Variants in KLHL24 observed in about 807,000 individuals in gnomAD.
The protein encoded by KLHL24 is kelch like family member 24.
A neutral mutation model predicts 53.4 loss-of-function variants in KLHL24; 29 were observed. The ratio of observed to expected loss-of-function variants is 0.54; its 90% CI spans 0.40 to 0.74. The LOEUF (loss-of-function observed/expected upper bound fraction) is 0.74, where lower values mean the gene tolerates loss of function less well. Ranked by LOEUF, KLHL24 falls within the 30% of genes least tolerant of loss-of-function variation. The pLI is 0.00. For synonymous variants in KLHL24, 222 were observed against 253.7 expected (o/e 0.88, Z 1.19); for missense variants, 504 against 744.0 (o/e 0.68, Z 3.75).
At chr3:183,676,240 C>G (rs770496777) in intron 7 of KLHL24, among the ~76,000 whole-genome samples, 1 of 152,148 alleles carries the variant, frequency 6.6e-6, no homozygotes, top group Non-Finnish European at 1.5e-5. Context: ...GGATTACAGG[C>G]GCATGCCACC....
chr3:183,660,208 T>G (rs1054408858), intron 3 of KLHL24, among the ~76,000 whole-genome samples: 5 of 151,674 alleles, frequency 3.3e-5, no homozygotes, highest in Admixed American at 1.3e-4. Context: ...CATGGCTTGT[T>G]GCAGCTTAAG....
intron 5 of KLHL24, 21 bp downstream of exon 5, chr3:183,665,060 T>C: frequency 8.1e-7 from 1 of 1,228,576 alleles, no homozygotes; most frequent in Non-Finnish European, 1.2e-6. Context: ...CCACTTTTTA[T>C]TACTATTGCT....
intron 3 of KLHL24, among the ~76,000 whole-genome samples, chr3:183,653,221 C>T (rs558554960): frequency 2.6e-4 from 39 of 152,292 alleles, no homozygotes; most frequent in African/African-American, 4.3e-4. Context: ...CTTAAAAATA[C>T]GATAGCAGAT....
rs1171602504 is a variant in KLHL24, at chr3:183,671,166, G to C, written c.1357G>C (p.Val453Leu). The C allele has an allele frequency of 6.2e-7, 1 of 1,614,058 alleles. No individual in the cohort carries two copies. Among genetic ancestry groups the C allele is most frequent in the Non-Finnish European group, 8.5e-7 (1 of 1,180,012 alleles). The change falls in exon 6 of 8, where the codon GTA becomes CTA. Residue 453 changes from valine (V) to leucine (L), a missense_variant. By Grantham distance (32) the Val-to-Leu change is conservative. Coordinates refer to ENST00000242810, the MANE Select transcript of KLHL24 (RefSeq NM_017644.3). ...AVSSPAVTSC[V>L]GKLFVIGGGP... ...GAGTTCTCCTGCAGTGACTAGCTGT[G>C]TAGGCAAACTGTTTGTGATTGGTGG...
intron 5 of KLHL24, among the ~76,000 whole-genome samples, chr3:183,667,912 C>T (rs1011705239): frequency 2.6e-5 from 4 of 151,508 alleles, no homozygotes; most frequent in Admixed American, 2.0e-4. Context: ...AATGTTTTAT[C>T]CTGTTGCCTG....
Position 183,650,896 on chromosome 3 carries a change from C to T in KLHL24, c.540C>T (p.Leu180=), listed in dbSNP as rs1718021946. 1 of 1,613,988 alleles carries T rather than the reference C, an allele frequency of 6.2e-7. No homozygotes were observed. Among genetic ancestry groups the T allele is most frequent in the African/African-American group, 1.3e-5 (1 of 74,906 alleles). The part of the protein sequence containing the change: ...GIQRFADTHS[L]KTLFTKCKNF... ...AGCGCTTTGCTGATACCCATTCACT[C>T]AAAACACTCTTCACAAAATGCAAAA... is the stretch of plus-strand genomic sequence containing the variant. The change falls in exon 3 of 8, where the codon CTC becomes CTT. Residue 180 remains leucine (L), a synonymous_variant. Transcript: ENST00000242810. This position sits in a 1 kb window ranked among gnomAD's most constrained non-coding sequence, Gnocchi z 4.5.
chr3:183,643,353 A>G (rs1196054410), intron 1 of KLHL24, 127 bp from the exon 2 acceptor site: 1 of 152,262 alleles, frequency 6.6e-6, no homozygotes, highest in African/African-American at 2.4e-5. Flanking sequence ...ATTTTTAAAC[A>G]AAAACGAACT....
At chr3:183,658,874 A>G (rs1347729631) in intron 3 of KLHL24, among the ~76,000 whole-genome samples, 1 of 149,560 alleles carries the variant, frequency 6.7e-6, no homozygotes, top group Admixed American at 6.7e-5. Flanking sequence ...GTCGTAGCTC[A>G]CTGCAGCCTC....
intron 4 of KLHL24, among the ~76,000 whole-genome samples, 187 bp from the exon 5 acceptor site, chr3:183,664,734 A>G (rs1302122299): frequency 6.6e-6 from 1 of 152,236 alleles, no homozygotes; most frequent in Admixed American, 6.5e-5. Flanking sequence ...GGTAAAGTTT[A>G]AATTTTCTCT....
chr3:183,675,405 C>T (rs996545162), intron 7 of KLHL24, among the ~76,000 whole-genome samples: 4 of 152,124 alleles, frequency 2.6e-5, no homozygotes, highest in Non-Finnish European at 5.9e-5. Context: ...ATGAGTATTA[C>T]GTTTTCTCCC....
chr3:183,660,429 A>C (rs946012956), intron 3 of KLHL24, among the ~76,000 whole-genome samples: 4 of 152,020 alleles, frequency 2.6e-5, no homozygotes, highest in Non-Finnish European at 4.4e-5. Flanking sequence ...TGAATTTATT[A>C]TTTCATTTAC....
chr3:183,672,176 A>T (rs1721418218), intron 6 of KLHL24, 120 bp from the exon 7 acceptor site: 1 of 516,404 alleles, frequency 1.9e-6, no homozygotes, highest in South Asian at 4.9e-5. Context: ...ACCTCTCTTA[A>T]TTCTCTGAAT....
At position 183,681,134 on chromosome 3, in the gene KLHL24, A is replaced by C. The variant is rs1173308319; in HGVS notation, c.*1848A>C. 1 of 152,142 alleles carries C rather than the reference A, an allele frequency of 6.6e-6. No individual in the cohort carries two copies. Among genetic ancestry groups the C allele is most frequent in the Non-Finnish European group, 1.5e-5 (1 of 67,990 alleles). The allele number at this position is 152,142 out of a possible 1,614,324, so 9.4% of individuals were successfully genotyped here. On this transcript the variant is annotated 3_prime_UTR_variant, in exon 8 of 8. Transcript: ENST00000242810. The stretch of plus-strand genomic sequence containing the variant: ...TTGTGATAACAACAATTCAGAAAAC[A>C]ATTTTCTATCCTCTTAGTTGAAAGA...
intron 1 of KLHL24, among the ~76,000 whole-genome samples, chr3:183,641,793 G>A (rs1716489687): frequency 6.6e-6 from 1 of 152,090 alleles, no homozygotes; most frequent in South Asian, 2.1e-4. Context: ...TAGAATTTCT[G>A]CATTCTAAAG....
In KLHL24 at chr3:183,671,289, C is replaced by A. The variant is rs1576971066; in HGVS notation, c.1413+67C>A. The A allele has an allele frequency of 2.8e-6, 4 of 1,412,030 alleles. No individual in the cohort carries two copies. The East Asian group carries it at 7.0e-5, about 25-fold the overall frequency. 87.5% of individuals were successfully genotyped at this position (1,412,030 alleles called of 1,614,324 possible). On this transcript the variant is annotated intron_variant, in intron 6 of 7. Coordinates refer to ENST00000242810, the MANE Select transcript of KLHL24 (RefSeq NM_017644.3). ...AAGAAGGGAAATACAGAAGGCTTAT[C>A]AAGTAGGTAGCCAGGTCACATAGTG...
intron 3 of KLHL24, among the ~76,000 whole-genome samples, chr3:183,661,889 A>C (rs1009058305): frequency 4.6e-5 from 7 of 152,182 alleles, no homozygotes; most frequent in African/African-American, 1.4e-4. Context: ...TTGATTAATA[A>C]ATAAGACTTT....
intron 3 of KLHL24, among the ~76,000 whole-genome samples, chr3:183,659,708 T>C (rs1299657882): frequency 1.5e-5 from 2 of 132,436 alleles, no homozygotes; most frequent in Non-Finnish European, 1.6e-5. Flanking sequence ...CTCCCATTAG[T>C]CTGGCAGAAT....
intron 5 of KLHL24, among the ~76,000 whole-genome samples, chr3:183,669,842 G>A (rs560896803): frequency 5.9e-5 from 9 of 152,256 alleles, no homozygotes; most frequent in Middle Eastern, 3.4e-3. Flanking sequence ...TGATGGCAGC[G>A]GGAAACGTAA....
At position 183,681,242 on chromosome 3, in the gene KLHL24, G is replaced by A. The variant is rs541266028; in HGVS notation, c.*1956G>A. 6.6e-6 allele frequency: 1 copy of A among 152,254 alleles called. No homozygotes were observed. The highest frequency in any genetic ancestry group is 2.4e-5 in the African/African-American group (1 of 41,498). 9.4% of individuals were successfully genotyped at this position (152,254 alleles called of 1,614,324 possible). A position where few individuals can be genotyped will look rare whatever the true frequency, so the allele number is the denominator to read the frequency against. ...CTCTTATAGATAATAGAATTATTTA[G>A]TTAAGAAATTCTTTACAGTAAATGA... On this transcript the variant is annotated 3_prime_UTR_variant, in exon 8 of 8. Transcript: ENST00000242810.
Sources: allele counts gnomAD v4.1 joint callset (sites outside exome capture counted in the v4.1 genomes callset), GRCh38; gene constraint gnomAD v4.1.1; non-coding constraint Gnocchi (gnomAD v3.1); transcripts MANE v1.5; gene names NCBI Gene and HGNC (gene_info 2026-07-23, HGNC 2026-07-21).